The following SLC39A11 variants were observed in gnomAD, a reference collection of about 807,000 sequenced individuals.
SLC39A11 encodes the protein solute carrier family 39 member 11, also known as zinc transporter ZIP11.
In SLC39A11, 33 loss-of-function variants were observed where a neutral mutation model predicts 36.1. The observed-to-expected ratio is 0.91, with a 90% CI of 0.69 to 1.22. The LOEUF is 1.22. Among genes scored for constraint, SLC39A11 ranks in the 50% most tolerant of loss-of-function variants. The probability of loss-of-function intolerance (pLI) is 0.00; values close to 1 mark genes in which losing one functional copy is unlikely to be tolerated. For synonymous variants in SLC39A11, 166 were observed against 170.3 expected (o/e 0.97, Z 0.20); for missense variants, 432 against 430.3 (o/e 1.00, Z -0.03).
Position 72,954,969 on chromosome 17 carries a change from A to T in SLC39A11, c.307-7094T>A, listed in dbSNP as rs193278507. Among the ~76,000 whole-genome samples, 370 of 152,316 alleles carry T rather than the reference A, an allele frequency of 2.4e-3. 1 individual carries two copies. Among genetic ancestry groups the T allele is most frequent in the South Asian group, 0.013 (62 of 4,826 alleles). On this transcript the variant is annotated intron_variant, in intron 4 of 9. Transcript: ENST00000255559. ...ATCATGGGTCATAGTCAGAATCCCT[A>T]AAGACAAGGAGGATGACGGTTTAAG...
At chr17:73,082,929 T>C (rs2060593313) in intron 3 of SLC39A11, among the ~76,000 whole-genome samples, 2 of 151,430 alleles carry the variant, frequency 1.3e-5, no homozygotes, top group African/African-American at 4.9e-5. Context: ...AGCAGGGGAA[T>C]TGTTTGAACT....
chr17:73,066,752 G>A (rs1057350041), intron 3 of SLC39A11, among the ~76,000 whole-genome samples: 4 of 152,210 alleles, frequency 2.6e-5, no homozygotes, highest in East Asian at 1.9e-4. Context: ...AGGAGATGGA[G>A]AAAAACCAGG....
intron 4 of SLC39A11, among the ~76,000 whole-genome samples, chr17:72,961,295 T>A (rs2452927): frequency 0.84 from 128,517 of 152,222 alleles, 56,051 homozygotes; most frequent in East Asian, 1. Flanking sequence ...GTTGGTGGGA[T>A]TGTAAATTAG....
intron 3 of SLC39A11, among the ~76,000 whole-genome samples, chr17:73,050,462 C>CTCTTTTTTTTTTTTTT (rs2059457194): frequency 8.0e-6 from 1 of 124,322 alleles, no homozygotes; most frequent in African/African-American, 3.1e-5. Flanking sequence ...TGTGAACTGA[C>CTCTTTTTTTTTTTTTT]TTTTTTTTTT....
chr17:72,786,580 G>A (rs768923249), intron 6 of SLC39A11, among the ~76,000 whole-genome samples: 3 of 152,056 alleles, frequency 2.0e-5, no homozygotes, highest in Non-Finnish European at 4.4e-5. Flanking sequence ...GATGGATCCC[G>A]GGGTGTTTTT....
chr17:73,056,360 G>A (rs561346648), intron 3 of SLC39A11, among the ~76,000 whole-genome samples: 1 of 152,176 alleles, frequency 6.6e-6, no homozygotes, highest in South Asian at 2.1e-4. Context: ...GTGGAGACGG[G>A]GTTTCACCAT....
intron 6 of SLC39A11, among the ~76,000 whole-genome samples, chr17:72,745,072 C>T (rs755101483): frequency 1.2e-4 from 18 of 152,176 alleles, no homozygotes; most frequent in African/African-American, 2.4e-4. Context: ...GAACTCCTGA[C>T]CTCAAGCGAT....
intron 5 of SLC39A11, among the ~76,000 whole-genome samples, chr17:72,922,331 C>G (rs1263190344): frequency 6.6e-6 from 1 of 152,198 alleles, no homozygotes; most frequent in African/African-American, 2.4e-5. Flanking sequence ...CTTCAATAAA[C>G]TACTTAAGTG....
In SLC39A11 at chr17:72,646,682, C is replaced by G. The variant is rs2069577936; in HGVS notation, c.*902G>C. 1 of 152,580 alleles carries G rather than the reference C, an allele frequency of 6.6e-6. No individual in the cohort carries two copies. The highest frequency in any genetic ancestry group is 6.6e-5 in the Admixed American group (1 of 15,266). 9.5% of individuals were successfully genotyped at this position (152,580 alleles called of 1,614,324 possible). A position where few individuals can be genotyped will look rare whatever the true frequency, so the allele number is the denominator to read the frequency against. On this transcript the variant is annotated 3_prime_UTR_variant, in exon 10 of 10. Coordinates refer to ENST00000255559, the MANE Select transcript of SLC39A11 (RefSeq NM_139177.4). ...CATTCACTTGAGTTAACTGAAATGG[C>G]TCCTTCTTTGAGTAATTGAAGAGTT...
In SLC39A11 at chr17:72,954,028, T is replaced by C. The variant is rs77258889; in HGVS notation, c.307-6153A>G. On this transcript the variant is annotated intron_variant, in intron 4 of 9. Transcript: ENST00000255559. ...CGTTGCTGGCCCATGAAGGGCAGTC[T>C]CTTCGTTTTTTTAAATTTTGTATTT... is the stretch of plus-strand genomic sequence containing the variant. Among the ~76,000 whole-genome samples the C allele has an allele frequency of 6.6e-5, 10 of 152,294 alleles. No individual in the cohort carries two copies. The East Asian group carries it at 1.9e-3, about 29-fold the overall frequency.
chr17:73,016,709 C>G (rs1351883080), intron 4 of SLC39A11, among the ~76,000 whole-genome samples: 4 of 152,168 alleles, frequency 2.6e-5, no homozygotes, highest in African/African-American at 9.6e-5. Context: ...TGTAAGCAGT[C>G]CCCCTGAAGT....
chr17:72,883,560 GTC>G (rs1314014068), intron 5 of SLC39A11, among the ~76,000 whole-genome samples: 1 of 151,594 alleles, frequency 6.6e-6, no homozygotes, highest in Admixed American at 6.6e-5. Flanking sequence ...GCAGGTTCTA[GTC>G]TCTGTTCTCC....
At chr17:72,909,108 TTTG>T (rs1406347954) in intron 5 of SLC39A11, among the ~76,000 whole-genome samples, 5 of 152,260 alleles carry the variant, frequency 3.3e-5, no homozygotes, top group African/African-American at 1.2e-4. Context: ...ATCTTTTTGT[TTTG>T]TTGTTTTTTG....
rs2077286758 is a variant in SLC39A11 at position 72,807,252 on chromosome 17, T to C, written c.601+42382A>G. Among the ~76,000 whole-genome samples the C allele has an allele frequency of 3.3e-5, 5 of 152,246 alleles. No individual in the cohort carries two copies. In the South Asian group the frequency reaches 8.3e-4, roughly 25 times the overall value. On this transcript the variant is annotated intron_variant, in intron 6 of 9. Transcript: ENST00000255559. ...TTATCTCCAAATTAATTTTTCTGTC[T>C]TTATCTTTCATACCGAAGGCATGCC...
chr17:73,049,666 A>G (rs2059430356), intron 3 of SLC39A11, among the ~76,000 whole-genome samples: 1 of 152,158 alleles, frequency 6.6e-6, no homozygotes, highest in African/African-American at 2.4e-5. Flanking sequence ...ATTCTGCAAT[A>G]TTTTTCAAGT....
In SLC39A11 at chr17:73,068,151, G is replaced by T. The variant is rs903075107; in HGVS notation, c.147+16657C>A. 2.3e-5 allele frequency: 30 copies of T among 1,295,916 alleles called. No homozygotes were observed. The African/African-American group carries it at 3.0e-4, about 13-fold the overall frequency. 80.3% of individuals were successfully genotyped at this position (1,295,916 alleles called of 1,614,324 possible). On this transcript the variant is annotated intron_variant, in intron 3 of 9. Coordinates refer to ENST00000255559, the MANE Select transcript of SLC39A11 (RefSeq NM_139177.4). ...ATTTTTTTCTTGGTGTCGCCAGCAGGTTCCTCTGTTCCCGGAGAAACTGCA... is the reference window on the plus strand; with the variant it reads ...ATTTTTTTCTTGGTGTCGCCAGCAGTTTCCTCTGTTCCCGGAGAAACTGCA...
intron 7 of SLC39A11, among the ~76,000 whole-genome samples, chr17:72,691,299 T>C (rs963552728): frequency 2.6e-5 from 4 of 152,200 alleles, no homozygotes; most frequent in Non-Finnish European, 5.9e-5. Context: ...CAAGTTATTC[T>C]TTCCCCCAAA....
chr17:72,723,113 A>C (rs954369279), intron 7 of SLC39A11, among the ~76,000 whole-genome samples: 1 of 152,224 alleles, frequency 6.6e-6, no homozygotes, highest in African/African-American at 2.4e-5. Flanking sequence ...TCTCATAGCC[A>C]TGGATACAAT....
chr17:72,697,719 T>C (rs1598377147), intron 7 of SLC39A11, among the ~76,000 whole-genome samples: 2 of 151,644 alleles, frequency 1.3e-5, no homozygotes, highest in Non-Finnish European at 2.9e-5. Context: ...CTCCATTCTG[T>C]CCCCCTCAGA....
Sources: gnomAD v4.1 joint callset for allele counts (sites outside exome capture counted in the v4.1 genomes callset) on GRCh38, gnomAD v4.1.1 for gene constraint, MANE v1.5 for transcripts, NCBI Gene and HGNC (gene_info 2026-07-23, HGNC 2026-07-21) for gene names.